Variants in THSD7A observed in about 807,000 individuals in gnomAD.
THSD7A encodes thrombospondin type 1 domain containing 7A.
Under a neutral mutation model 231.3 loss-of-function variants are expected in THSD7A, and 96 were observed. The observed-to-expected ratio is 0.41, with a 90% CI of 0.35 to 0.49. THSD7A has a LOEUF of 0.49. Ranked by LOEUF, THSD7A falls within the 20% of genes least tolerant of loss-of-function variation. The pLI is 0.05. For synonymous variants in THSD7A, 940 were observed against 743.3 expected (o/e 1.26, Z -4.30); for missense variants, 2,290 against 2,070.2 (o/e 1.11, Z -2.06).
intron 6 of THSD7A, among the ~76,000 whole-genome samples, chr7:11,501,456 A>G (rs1787333659): frequency 6.6e-6 from 1 of 152,256 alleles, no homozygotes; most frequent in Non-Finnish European, 1.5e-5. Flanking sequence ...CAATAAAAAT[A>G]GAAATCAACA....
At chr7:11,714,667 A>G (rs1279540631) in intron 1 of THSD7A, among the ~76,000 whole-genome samples, 2 of 151,316 alleles carry the variant, frequency 1.3e-5, no homozygotes, top group Non-Finnish European at 3.0e-5. Context: ...GTACCCTAAG[A>G]AAAAAAGCAG....
At chr7:11,806,619 A>G (rs1784404705) in intron 1 of THSD7A, among the ~76,000 whole-genome samples, 1 of 152,204 alleles carries the variant, frequency 6.6e-6, no homozygotes. Context: ...AATGAAAAAT[A>G]TCCTTTATTA....
At chr7:11,580,976 TTTG>T (rs1450841043) in intron 4 of THSD7A, among the ~76,000 whole-genome samples, 2 of 152,138 alleles carry the variant, frequency 1.3e-5, no homozygotes, top group Non-Finnish European at 1.5e-5. Context: ...TCAATAAGTA[TTTG>T]TTGAGTGAAT....
Position 11,406,975 on chromosome 7 carries a change from T to C in THSD7A, c.3997A>G (p.Lys1333Glu). ...TAACAAGGCTTCACTGGGCAGGGTT[T>C]GGACTGGTCCATCAGGGAAGGGCAT... ...RPCPSLMDQSKPCPVKPCYRW... is the reference protein window; with the variant it reads ...RPCPSLMDQSEPCPVKPCYRW... Residue 1333 changes from lysine (K) to glutamate (E), a missense_variant, in exon 21 of 28, where the codon AAA (lysine) becomes GAA (glutamate). By Grantham distance (56) the Lys-to-Glu change is moderately conservative. Transcript: ENST00000423059. The surrounding 1 kb of genome is among the most constrained non-coding windows in gnomAD (Gnocchi z 4.7). 6.2e-7 allele frequency: 1 copy of C among 1,613,926 alleles called. No homozygotes were observed. Among genetic ancestry groups the C allele is most frequent in the Non-Finnish European group, 8.5e-7 (1 of 1,179,864 alleles).
rs1782197279 is a variant in THSD7A, at chr7:11,374,734, T to C, written c.*1060A>G. The C allele has an allele frequency of 6.6e-6, 1 of 151,516 alleles. No individual in the cohort carries two copies. Among genetic ancestry groups the C allele is most frequent in the Non-Finnish European group, 1.5e-5 (1 of 67,884 alleles). The allele number at this position is 151,516 out of a possible 1,614,324, so 9.4% of individuals were successfully genotyped here. A position where few individuals can be genotyped will look rare whatever the true frequency, so the allele number is the denominator to read the frequency against. On this transcript the variant is annotated 3_prime_UTR_variant, in exon 28 of 28. Coordinates refer to ENST00000423059, the MANE Select transcript of THSD7A (RefSeq NM_015204.3). ...ATCCACCTTTTAGAGGGTTAAGGGG[T>C]TAGGGACTTCAACACTTAAATTACC...
intron 2 of THSD7A, among the ~76,000 whole-genome samples, chr7:11,622,426 A>G (rs914550619): frequency 6.6e-6 from 1 of 151,966 alleles, no homozygotes; most frequent in Non-Finnish European, 1.5e-5. Context: ...TACATTCATG[A>G]TTTTTTTGTA....
At chr7:11,670,378 A>T (rs1008733289) in intron 1 of THSD7A, among the ~76,000 whole-genome samples, 1 of 152,218 alleles carries the variant, frequency 6.6e-6, no homozygotes, top group Admixed American at 6.5e-5. Flanking sequence ...GTGTAATGGA[A>T]GAATGATCCA....
chr7:11,714,250 T>C (rs550299269), intron 1 of THSD7A, among the ~76,000 whole-genome samples: 25 of 151,368 alleles, frequency 1.7e-4, no homozygotes, highest in South Asian at 2.1e-4. Flanking sequence ...TGCTAGGCAA[T>C]GTTCATAGTG....
At chr7:11,480,329 A>C (rs1786371690) in intron 7 of THSD7A, among the ~76,000 whole-genome samples, 2 of 152,162 alleles carry the variant, frequency 1.3e-5, no homozygotes, top group Admixed American at 1.3e-4. Context: ...AATCCTTGCC[A>C]TGTGACTCGG....
intron 11 of THSD7A, among the ~76,000 whole-genome samples, chr7:11,448,754 T>C (rs981777243): frequency 6.6e-6 from 1 of 152,102 alleles, no homozygotes; most frequent in African/African-American, 2.4e-5. Flanking sequence ...ATGCAACTGC[T>C]TCAGGCCTAA....
intron 4 of THSD7A, among the ~76,000 whole-genome samples, chr7:11,562,424 A>T (rs1486030964): frequency 1.3e-5 from 2 of 152,212 alleles, no homozygotes; most frequent in East Asian, 1.9e-4. Context: ...TTAATAATTC[A>T]TTCATCCATT....
At chr7:11,509,350 T>C (rs917577420) in intron 6 of THSD7A, among the ~76,000 whole-genome samples, 6 of 152,156 alleles carry the variant, frequency 3.9e-5, no homozygotes, top group Non-Finnish European at 7.3e-5. Flanking sequence ...AAGTCAAAAA[T>C]TAGACATTTC....
intron 1 of THSD7A, among the ~76,000 whole-genome samples, chr7:11,825,683 A>G (rs748174232): frequency 1.3e-5 from 2 of 152,162 alleles, no homozygotes; most frequent in Non-Finnish European, 2.9e-5. Flanking sequence ...ACCCCTATAG[A>G]ATGCATCCCA....
intron 1 of THSD7A, among the ~76,000 whole-genome samples, chr7:11,676,352 C>T (rs908182377): frequency 2.6e-5 from 4 of 152,198 alleles, no homozygotes; most frequent in Admixed American, 2.6e-4. Flanking sequence ...ACAAGAATGC[C>T]TCTTCTCCTC....
chr7:11,769,177 T>TTG (rs1562541542), intron 1 of THSD7A, among the ~76,000 whole-genome samples: 2 of 131,534 alleles, frequency 1.5e-5, no homozygotes, highest in Admixed American at 8.2e-5. Flanking sequence ...TTGGTATTTT[T>TTG]GTAGAGATGG....
At position 11,807,100 on chromosome 7, in the gene THSD7A, T is replaced by G. The variant is rs557790597; in HGVS notation, c.190+24657A>C. Among the ~76,000 whole-genome samples, 4 of 152,222 alleles carry G rather than the reference T, an allele frequency of 2.6e-5. No homozygotes were observed. In the East Asian group the frequency reaches 5.8e-4, roughly 22 times the overall value. ...GACCCAAGTGATCACTACTAAGTAC[T>G]TTTTTACTCTGAAGTGTTTTAAACA... is the stretch of plus-strand genomic sequence containing the variant. On this transcript the variant is annotated intron_variant, in intron 1 of 27. Transcript: ENST00000423059.
intron 1 of THSD7A, among the ~76,000 whole-genome samples, chr7:11,739,359 C>T (rs1182484690): frequency 6.6e-6 from 1 of 151,674 alleles, no homozygotes; most frequent in Admixed American, 6.6e-5. Context: ...TGGAATAACA[C>T]TTATAAGTAT....
At chr7:11,630,133 GTTTGATATCACCATT>G (rs1562782382) in intron 2 of THSD7A, among the ~76,000 whole-genome samples, 1 of 152,122 alleles carries the variant, frequency 6.6e-6, no homozygotes, top group Non-Finnish European at 1.5e-5. Context: ...TTATATTCAA[GTTTGATATCACCATT>G]CTGGAAAGCA....
intron 4 of THSD7A, among the ~76,000 whole-genome samples, chr7:11,557,987 AT>A (rs1789919916): frequency 6.6e-6 from 1 of 151,994 alleles, no homozygotes; most frequent in African/African-American, 2.4e-5. Context: ...TAGAGTGGTT[AT>A]TGTCTAAAAT....
Sources: gnomAD v4.1 joint callset for allele counts (sites outside exome capture counted in the v4.1 genomes callset) on GRCh38, gnomAD v4.1.1 for gene constraint, Gnocchi (gnomAD v3.1) non-coding constraint, MANE v1.5 for transcripts, NCBI Gene and HGNC (gene_info 2026-07-23, HGNC 2026-07-21) for gene names.